Variants in HEMK2 observed in about 807,000 individuals in gnomAD.
HEMK2 encodes the protein HemK methyltransferase 2, ETF1 glutamine and histone H4 lysine.
chr21:28,761,701 TCCC>T, the HEMK2 span, among the ~76,000 whole-genome samples: 1 of 151,628 alleles, frequency 6.6e-6, no homozygotes, highest in South Asian at 2.1e-4. Flanking sequence ...TTCTGTCTCC[TCCC>T]CCATTTGCCA....
chr21:28,783,094 T>C, the HEMK2 span, among the ~76,000 whole-genome samples: 1 of 152,204 alleles, frequency 6.6e-6, no homozygotes, highest in Non-Finnish European at 1.5e-5. Flanking sequence ...TTTTGGAATA[T>C]TTGCATATAT....
the HEMK2 span, among the ~76,000 whole-genome samples, chr21:28,817,421 T>C: frequency 1.3e-5 from 2 of 152,216 alleles, no homozygotes; most frequent in Non-Finnish European, 2.9e-5. Flanking sequence ...AAGTTATTGA[T>C]GTATTATTTT....
At chr21:28,771,729 G>A in the HEMK2 span, among the ~76,000 whole-genome samples, 1 of 152,086 alleles carries the variant, frequency 6.6e-6, no homozygotes, top group Admixed American at 6.5e-5. Context: ...AGCAAGGGGA[G>A]TGTGACTGAA....
At chr21:28,835,898 AATGAC>A in the HEMK2 span, among the ~76,000 whole-genome samples, 1 of 152,124 alleles carries the variant, frequency 6.6e-6, no homozygotes, top group Non-Finnish European at 1.5e-5. Flanking sequence ...TTCAGAGCTC[AATGAC>A]ATGGTCGTCA....
At chr21:28,773,424 C>T in the HEMK2 span, among the ~76,000 whole-genome samples, 5 of 152,032 alleles carry the variant, frequency 3.3e-5, no homozygotes, top group Non-Finnish European at 7.4e-5. Context: ...ATACAGAGCT[C>T]AGTAAAGACA....
the HEMK2 span, among the ~76,000 whole-genome samples, chr21:28,859,275 T>C: frequency 6.6e-6 from 1 of 152,210 alleles, no homozygotes; most frequent in African/African-American, 2.4e-5. Context: ...TGTTTAATGA[T>C]TGCCTATCTT....
the HEMK2 span, among the ~76,000 whole-genome samples, chr21:28,667,207 G>A: frequency 6.6e-6 from 1 of 152,138 alleles, no homozygotes; most frequent in African/African-American, 2.4e-5. Flanking sequence ...TGTGCGAGCT[G>A]TATCTCATTG....
At chr21:28,689,627 T>C in the HEMK2 span, among the ~76,000 whole-genome samples, 1 of 152,180 alleles carries the variant, frequency 6.6e-6, no homozygotes, top group Non-Finnish European at 1.5e-5. Context: ...CCCAAGATTC[T>C]AGTCCCCTGG....
the HEMK2 span, among the ~76,000 whole-genome samples, chr21:28,612,008 G>A: frequency 6.6e-6 from 1 of 151,512 alleles, no homozygotes; most frequent in Non-Finnish European, 1.5e-5. Flanking sequence ...AAGAAGAATT[G>A]GTACCAATCT....
At chr21:28,691,537 G>T in the HEMK2 span, among the ~76,000 whole-genome samples, 1 of 152,054 alleles carries the variant, frequency 6.6e-6, no homozygotes, top group African/African-American at 2.4e-5. Flanking sequence ...GCATGACAAG[G>T]TGTTACAGGT....
At chr21:28,626,104 T>C in the HEMK2 span, among the ~76,000 whole-genome samples, 2 of 152,122 alleles carry the variant, frequency 1.3e-5, no homozygotes, top group East Asian at 3.9e-4. Context: ...TTCTTATAAT[T>C]TCCTTAAAAG....
At chr21:28,712,281 C>G in the HEMK2 span, among the ~76,000 whole-genome samples, 1 of 152,182 alleles carries the variant, frequency 6.6e-6, no homozygotes, top group Admixed American at 6.5e-5. Context: ...TACTTACACT[C>G]AAATCCATAT....
At chr21:28,604,928 T>A in the HEMK2 span, among the ~76,000 whole-genome samples, 4 of 152,328 alleles carry the variant, frequency 2.6e-5, no homozygotes, top group South Asian at 2.1e-4. Flanking sequence ...TGGGCATGAA[T>A]TTTTCTTGTA....
the HEMK2 span, among the ~76,000 whole-genome samples, chr21:28,656,436 G>T: frequency 1.1e-3 from 160 of 151,834 alleles, 1 homozygote; most frequent in Middle Eastern, 0.01. Flanking sequence ...CCCTCTTGTG[G>T]GTGAATTCTA....
At chr21:28,622,882 T>C in the HEMK2 span, among the ~76,000 whole-genome samples, 10 of 152,246 alleles carry the variant, frequency 6.6e-5, no homozygotes, top group South Asian at 1.9e-3. Context: ...CTAAAAACTC[T>C]AGAAGAAAAC....
At chr21:28,619,586 TG>T in the HEMK2 span, among the ~76,000 whole-genome samples, 33 of 152,196 alleles carry the variant, frequency 2.2e-4, no homozygotes, top group Non-Finnish European at 3.8e-4. Flanking sequence ...TTCTAGGCAT[TG>T]GCTACCATTA....
the HEMK2 span, among the ~76,000 whole-genome samples, chr21:28,876,903 A>T: frequency 1.3e-5 from 2 of 151,202 alleles, no homozygotes; most frequent in African/African-American, 4.9e-5. Context: ...TGAAAGAAGT[A>T]GCTTATTTCT....
chr21:28,667,374 A>G, the HEMK2 span, among the ~76,000 whole-genome samples: 1 of 152,208 alleles, frequency 6.6e-6, no homozygotes, highest in African/African-American at 2.4e-5. Flanking sequence ...GAATTAGAAT[A>G]TGGGAAAAAA....
the HEMK2 span, among the ~76,000 whole-genome samples, chr21:28,724,496 C>A: frequency 6.6e-6 from 1 of 152,212 alleles, no homozygotes; most frequent in Non-Finnish European, 1.5e-5. Flanking sequence ...TTCCTATTAA[C>A]TCCATAATAG....
Sources: gnomAD v4.1 joint callset for allele counts (sites outside exome capture counted in the v4.1 genomes callset) on GRCh38, gnomAD v4.1.1 for gene constraint, MANE v1.5 for transcripts, NCBI Gene and HGNC (gene_info 2026-07-23, HGNC 2026-07-21) for gene names.